LYPD6: variants seen among roughly 807,000 people sequenced by gnomAD.
LYPD6 encodes LY6/PLAUR domain containing 6, also known as ly6/PLAUR domain-containing protein 6.
Under a neutral mutation model 22.7 loss-of-function variants are expected in LYPD6, and 15 were observed. The ratio of observed to expected loss-of-function variants is 0.66; its 90% CI spans 0.44 to 1.02. The LOEUF is 1.02. Among genes scored for constraint, LYPD6 ranks in the 50% least tolerant of loss-of-function variants. LYPD6 has a pLI of 0.00. For missense variants in LYPD6, 189 were observed against 208.4 expected (o/e 0.91, Z 0.57); for synonymous variants, 72 against 77.5 (o/e 0.93, Z 0.37).
At chr2:149,405,131 T>C (rs1191279493) in intron 1 of LYPD6, among the ~76,000 whole-genome samples, 2 of 151,406 alleles carry the variant, frequency 1.3e-5, no homozygotes, top group Non-Finnish European at 2.9e-5. Context: ...TTGGATTTGG[T>C]TTGCCAGTAT....
downstream of LYPD6, among the ~76,000 whole-genome samples, chr2:149,474,856 C>T (rs896524508): frequency 6.6e-6 from 1 of 152,028 alleles, no homozygotes; most frequent in African/African-American, 2.4e-5. Flanking sequence ...GCAACTTCTG[C>T]CTCCTGGATG....
chr2:149,360,477 G>A (rs917265304), intron 1 of LYPD6, among the ~76,000 whole-genome samples: 6 of 152,154 alleles, frequency 3.9e-5, no homozygotes, highest in African/African-American at 1.4e-4. Flanking sequence ...AGTCATTTCA[G>A]CATCAATTTT....
chr2:149,371,001 A>T (rs540859924), intron 1 of LYPD6, among the ~76,000 whole-genome samples: 2 of 152,186 alleles, frequency 1.3e-5, no homozygotes, highest in Non-Finnish European at 2.9e-5. Context: ...ACTGTACAAG[A>T]ATTAGAAAGC....
intron 1 of LYPD6, among the ~76,000 whole-genome samples, chr2:149,433,039 G>A (rs1248347685): frequency 6.6e-6 from 1 of 152,084 alleles, no homozygotes; most frequent in Non-Finnish European, 1.5e-5. Context: ...CATTATTTTG[G>A]TGTCTATCCT....
chr2:149,464,113 T>TAAAA, intron 3 of LYPD6: 1 of 358,610 alleles, frequency 2.8e-6, no homozygotes, highest in Admixed American at 4.2e-5. Flanking sequence ...TAGGTTAAAT[T>TAAAA]AAAAAAAAAA....
chr2:149,343,961 C>A (rs941085064), intron 1 of LYPD6, among the ~76,000 whole-genome samples: 2 of 152,008 alleles, frequency 1.3e-5, no homozygotes, highest in African/African-American at 4.8e-5. Flanking sequence ...CATTTAGTAA[C>A]TGAATGTTCA....
chr2:149,339,552 G>A (rs973307158), intron 1 of LYPD6, among the ~76,000 whole-genome samples: 3 of 152,078 alleles, frequency 2.0e-5, no homozygotes, highest in Non-Finnish European at 4.4e-5. Context: ...ACTCTTATCA[G>A]GTTGCTACAA....
chr2:149,372,625 C>T (rs1344759786), intron 1 of LYPD6, among the ~76,000 whole-genome samples: 1 of 152,108 alleles, frequency 6.6e-6, no homozygotes, highest in African/African-American at 2.4e-5. Flanking sequence ...GCAGAGCATT[C>T]AAAGAATTTG....
intron 1 of LYPD6, among the ~76,000 whole-genome samples, chr2:149,403,687 G>C (rs1221819249): frequency 1.9e-4 from 27 of 141,398 alleles, no homozygotes; most frequent in Admixed American, 3.6e-4. Context: ...TAGGTTGCCT[G>C]TTCACTCTGA....
At chr2:149,481,624 C>T in the LYPD6 span, among the ~76,000 whole-genome samples, 3 of 152,154 alleles carry the variant, frequency 2.0e-5, no homozygotes, top group African/African-American at 7.2e-5. Flanking sequence ...ACAGCACATC[C>T]ACTTGATATA....
At chr2:149,405,658 AT>A (rs1283554451) in intron 1 of LYPD6, among the ~76,000 whole-genome samples, 1 of 152,112 alleles carries the variant, frequency 6.6e-6, no homozygotes, top group African/African-American at 2.4e-5. Flanking sequence ...TGGTCTATCA[AT>A]TTTGTTGATC....
At chr2:149,369,461 T>C (rs762473887) in intron 1 of LYPD6, among the ~76,000 whole-genome samples, 9 of 152,128 alleles carry the variant, frequency 5.9e-5, no homozygotes, top group Admixed American at 3.9e-4. Flanking sequence ...TCCCATCCAA[T>C]TGACTGCCTT....
chr2:149,406,648 C>T (rs1409169927), intron 1 of LYPD6, among the ~76,000 whole-genome samples: 3 of 152,180 alleles, frequency 2.0e-5, no homozygotes, highest in East Asian at 1.9e-4. Context: ...GATGGGTTTC[C>T]TGAATACAGC....
the LYPD6 span, among the ~76,000 whole-genome samples, chr2:149,485,677 G>A: frequency 2.6e-5 from 4 of 152,256 alleles, no homozygotes; most frequent in African/African-American, 9.6e-5. Context: ...TGTATTAATA[G>A]CACGGCAAGT....
intron 1 of LYPD6, among the ~76,000 whole-genome samples, chr2:149,415,473 G>C (rs573030767): frequency 2.0e-5 from 3 of 152,182 alleles, no homozygotes; most frequent in Non-Finnish European, 4.4e-5. Context: ...AGGCACATTA[G>C]AAAGGACTGA....
rs948336547 is a variant in LYPD6, at chr2:149,408,323, C to G, written c.-71-29315C>G. Among the ~76,000 whole-genome samples, 7 of 152,258 alleles carry G rather than the reference C, an allele frequency of 4.6e-5. No individual in the cohort carries two copies. The South Asian group carries it at 1.5e-3, about 32-fold the overall frequency. ...CTTTATAGGTTACCTGATACTTTTG[C>G]CTCACAGCTCTTAAGATTCGTTCCT... is the stretch of plus-strand genomic sequence containing the variant. On this transcript the variant is annotated intron_variant, in intron 1 of 4. Coordinates refer to ENST00000334166, the MANE Select transcript of LYPD6 (RefSeq NM_194317.5).
intron 1 of LYPD6, among the ~76,000 whole-genome samples, chr2:149,429,628 C>G (rs1226077032): frequency 6.6e-6 from 1 of 152,208 alleles, no homozygotes; most frequent in Non-Finnish European, 1.5e-5. Flanking sequence ...TCACCACAGA[C>G]CTTGGTGGCT....
chr2:149,383,816 C>T (rs185940645), intron 1 of LYPD6, among the ~76,000 whole-genome samples: 107 of 152,282 alleles, frequency 7.0e-4, no homozygotes, highest in African/African-American at 2.5e-3. Context: ...AGTTTCCCTA[C>T]ATATGGTGTG....
intron 1 of LYPD6, among the ~76,000 whole-genome samples, chr2:149,384,999 G>A (rs998475222): frequency 2.0e-5 from 3 of 150,962 alleles, no homozygotes; most frequent in African/African-American, 7.3e-5. Flanking sequence ...TTGTCCTTGC[G>A]ATAGTTTACT....
Sources: allele counts gnomAD v4.1 joint callset (sites outside exome capture counted in the v4.1 genomes callset), GRCh38; gene constraint gnomAD v4.1.1; transcripts MANE v1.5; gene names NCBI Gene and HGNC (gene_info 2026-07-23, HGNC 2026-07-21).